MARK3: variants seen among roughly 807,000 people sequenced by gnomAD.
The protein encoded by MARK3 is microtubule affinity regulating kinase 3, also known as MAP/microtubule affinity-regulating kinase 3.
A neutral mutation model predicts 90.1 loss-of-function variants in MARK3; 46 were observed. The observed-to-expected ratio is 0.51, with a 90% confidence interval of 0.40 to 0.65. The LOEUF (loss-of-function observed/expected upper bound fraction) is 0.65. Among genes scored for constraint, MARK3 ranks in the 30% least tolerant of loss-of-function variants. The pLI is 0.00. For synonymous variants in MARK3, 321 were observed against 332.6 expected (o/e 0.97, Z 0.38); for missense variants, 818 against 947.2 (o/e 0.86, Z 1.79).
rs754045499 is a variant in MARK3, at chr14:103,462,401, T to C, written c.484-4T>C. 2 of 1,599,900 alleles carry C rather than the reference T, an allele frequency of 1.3e-6. No homozygotes were observed. The highest frequency in any genetic ancestry group is 1.1e-5 in the South Asian group (1 of 90,560). On this transcript the variant is annotated splice_region_variant and splice_polypyrimidine_tract_variant and intron_variant, in intron 6 of 17. Coordinates refer to ENST00000429436, the MANE Select transcript of MARK3 (RefSeq NM_001128918.3). ...ATGACTGACTCTGCGTCTCTCCTATTCAGATTGTGTCTGCAGTTCAATACT... is the reference window on the plus strand; with the variant it reads ...ATGACTGACTCTGCGTCTCTCCTATCCAGATTGTGTCTGCAGTTCAATACT...
At position 103,466,135 on chromosome 14, in the gene MARK3, T is replaced by G. The variant is rs1037231946; in HGVS notation, c.897+44T>G. ...ACAAGCAGTAACTTTGGAGAGTCTT[T>G]AGAGTGACCTTAGATCTTTGCTTGA... On this transcript the variant is annotated intron_variant, in intron 9 of 17. Coordinates refer to ENST00000429436, the MANE Select transcript of MARK3 (RefSeq NM_001128918.3). The G allele has an allele frequency of 2.5e-6, 4 of 1,604,232 alleles. No individual in the cohort carries two copies. In the African/African-American group the frequency reaches 5.4e-5, roughly 22 times the overall value.
Position 103,465,680 on chromosome 14 carries a change from G to T in MARK3, c.664G>T (p.Glu222Ter). ...FCGSPPYAAPELFQGKKYDGP... is the reference protein window; with the variant it reads ...FCGSPPYAAP ...TGGCAGTCCTCCATACGCAGCACCT[G>T]AGCTCTTCCAGGGCAAGAAATATGA... Residue 222 changes from glutamate to a stop codon, truncating the protein, a stop_gained, in exon 8 of 18, where the codon GAG (glutamate) becomes TAG (stop). Transcript: ENST00000429436. LOFTEE classifies it high-confidence loss of function. 1 of 1,614,120 alleles carries T rather than the reference G, an allele frequency of 6.2e-7. No homozygotes were observed. The highest frequency in any genetic ancestry group is 8.5e-7 in the Non-Finnish European group (1 of 1,180,030).
At chr14:103,420,085 A>G (rs981667619) in intron 2 of MARK3, among the ~76,000 whole-genome samples, 1 of 152,220 alleles carries the variant, frequency 6.6e-6, no homozygotes, top group Non-Finnish European at 1.5e-5. Flanking sequence ...TAAGATATAG[A>G]ATACATATGT....
rs1566774268 is a variant in MARK3 at position 103,402,224 on chromosome 14, A to G, written c.52-2852A>G. Reference sequence around the variant, plus strand: ...TTTTATTATAAGCACACTGGTGAGTAAGCAAAGATAGGAACATTGGATGCC... The same window carrying G: ...TTTTATTATAAGCACACTGGTGAGTGAGCAAAGATAGGAACATTGGATGCC... On this transcript the variant is annotated intron_variant, in intron 1 of 17. Transcript: ENST00000429436. Among the ~76,000 whole-genome samples, 3 of 152,316 alleles carry G rather than the reference A, an allele frequency of 2.0e-5. No homozygotes were observed. In the East Asian group the frequency reaches 5.8e-4, roughly 29 times the overall value.
At chr14:103,406,849 T>A (rs1367636316) in intron 2 of MARK3, among the ~76,000 whole-genome samples, 3 of 151,450 alleles carry the variant, frequency 2.0e-5, no homozygotes, top group Non-Finnish European at 4.4e-5. Context: ...TTGTTTTTTT[T>A]ATGAGGCAGA....
chr14:103,462,558 G>T, intron 7 of MARK3, 97 bp downstream of exon 7: 1 of 780,324 alleles, frequency 1.3e-6, no homozygotes, highest in South Asian at 2.7e-5. Flanking sequence ...AGCCTTATTA[G>T]CATTTTTTAA....
chr14:103,479,025 C>T (rs2093770202), intron 13 of MARK3, among the ~76,000 whole-genome samples: 1 of 151,816 alleles, frequency 6.6e-6, no homozygotes, highest in Non-Finnish European at 1.5e-5. Flanking sequence ...AATTTCTTTC[C>T]TTCTTTCTTG....
intron 3 of MARK3, among the ~76,000 whole-genome samples, chr14:103,446,633 G>A (rs1320503883): frequency 6.6e-6 from 1 of 151,882 alleles, no homozygotes; most frequent in Non-Finnish European, 1.5e-5. Flanking sequence ...GGATGCCATG[G>A]CCATGGTCAG....
At chr14:103,416,679 G>A (rs1377791777) in intron 2 of MARK3, among the ~76,000 whole-genome samples, 2 of 152,194 alleles carry the variant, frequency 1.3e-5, no homozygotes, top group African/African-American at 4.8e-5. Context: ...AGCTGAGGCA[G>A]GCGAATTGCT....
chr14:103,481,680 A>T (rs1329817355), intron 14 of MARK3, among the ~76,000 whole-genome samples: 2 of 148,072 alleles, frequency 1.4e-5, no homozygotes, highest in Non-Finnish European at 3.0e-5. Flanking sequence ...GTCTTTTCTT[A>T]TGATTAAAAA....
rs1023286707 is a variant in MARK3 at position 103,391,482 on chromosome 14, T to C, written c.51+5402T>C. 4.6e-5 allele frequency among the ~76,000 whole-genome samples: 7 copies of C among 152,270 alleles called. No individual in the cohort carries two copies. In the East Asian group the frequency reaches 1.4e-3, roughly 29 times the overall value. On this transcript the variant is annotated intron_variant, in intron 1 of 17. Coordinates refer to ENST00000429436, the MANE Select transcript of MARK3 (RefSeq NM_001128918.3). ...TTTCTCACATTTCTAATTTTTAAAC[T>C]GTTCAAATTAGAATCCAGCTTGAAT...
intron 3 of MARK3, among the ~76,000 whole-genome samples, chr14:103,443,763 A>T (rs886869305): frequency 6.6e-5 from 10 of 151,640 alleles, no homozygotes; most frequent in South Asian, 2.1e-4. Flanking sequence ...TAAGAAGCAA[A>T]TTTTTTTTTC....
Position 103,426,752 on chromosome 14 carries a change from G to A in MARK3, c.244-1635G>A, listed in dbSNP as rs1595615630. 2.0e-5 allele frequency among the ~76,000 whole-genome samples: 3 copies of A among 152,154 alleles called. No homozygotes were observed. The East Asian group carries it at 5.8e-4, about 29-fold the overall frequency. ...CTAATGGGTTTTAAAAACACTGGCT[G>A]GGGCATACTCACCCTTTCTGAACAA... is the stretch of plus-strand genomic sequence containing the variant. On this transcript the variant is annotated intron_variant, in intron 2 of 17. Transcript: ENST00000429436.
chr14:103,438,342 G>A (rs1417997743), intron 3 of MARK3, among the ~76,000 whole-genome samples: 1 of 152,162 alleles, frequency 6.6e-6, no homozygotes, highest in Non-Finnish European at 1.5e-5. Flanking sequence ...AGGTAAGTAG[G>A]TTAAAGCTCT....
intron 17 of MARK3, among the ~76,000 whole-genome samples, chr14:103,500,521 A>G (rs993540194): frequency 1.2e-4 from 18 of 152,222 alleles, no homozygotes; most frequent in Non-Finnish European, 2.4e-4. Context: ...GACCCCTCAC[A>G]TGGTTCTCTT....
At chr14:103,476,310 ACT>A (rs1045345055) in intron 13 of MARK3, among the ~76,000 whole-genome samples, 1 of 152,212 alleles carries the variant, frequency 6.6e-6, no homozygotes, top group Non-Finnish European at 1.5e-5. Context: ...TGGTGTTCAC[ACT>A]GAGTCTTCAA....
At chr14:103,495,013 G>T (rs1293697302) in intron 15 of MARK3, among the ~76,000 whole-genome samples, 1 of 152,068 alleles carries the variant, frequency 6.6e-6, no homozygotes, top group African/African-American at 2.4e-5. Flanking sequence ...CATATTTTAT[G>T]TATAAAATGA....
At chr14:103,455,725 CAAAAA>C (rs57129835) in intron 5 of MARK3, among the ~76,000 whole-genome samples, 1 of 84,044 alleles carries the variant, frequency 1.2e-5, no homozygotes, top group Non-Finnish European at 2.2e-5. Flanking sequence ...AACTCTGTCT[CAAAAA>C]AAAAAAAAAA....
intron 1 of MARK3, among the ~76,000 whole-genome samples, chr14:103,392,667 A>T (rs2090332537): frequency 6.6e-6 from 1 of 152,098 alleles, no homozygotes; most frequent in African/African-American, 2.4e-5. Flanking sequence ...CCATGAGTTT[A>T]AAAAAAACTG....
Sources: gnomAD v4.1 joint callset for allele counts (sites outside exome capture counted in the v4.1 genomes callset) on GRCh38, gnomAD v4.1.1 for gene constraint, MANE v1.5 for transcripts, NCBI Gene and HGNC (gene_info 2026-07-23, HGNC 2026-07-21) for gene names.